Variants in PLCG2 observed in about 807,000 individuals in gnomAD.
The protein encoded by PLCG2 is phospholipase C gamma 2, also known as 1-phosphatidylinositol 4,5-bisphosphate phosphodiesterase gamma-2.
In PLCG2, 69 loss-of-function variants were observed where a neutral mutation model predicts 175.6. The observed-to-expected ratio is 0.39, with a 90% CI of 0.32 to 0.48. The LOEUF is 0.48. PLCG2 is among the 20% of genes least tolerant of loss of function. PLCG2 has a pLI of 0.91. For missense variants in PLCG2, 1,798 were observed against 1,650.9 expected (o/e 1.09, Z -1.54); for synonymous variants, 827 against 624.0 (o/e 1.33, Z -4.85).
chr16:81,948,192 T>G (rs879279158), intron 31 of PLCG2, among the ~76,000 whole-genome samples: 1 of 152,230 alleles, frequency 6.6e-6, no homozygotes, highest in East Asian at 1.9e-4. Context: ...GACCATGTAT[T>G]TTTATCTGCA....
At chr16:81,739,860 G>C (rs184988507) in intron 1 of PLCG2, 1 of 152,404 alleles carries the variant, frequency 6.6e-6, no homozygotes, top group African/African-American at 2.4e-5. Flanking sequence ...GTGTGGGGCC[G>C]GGCACAGTGG....
intron 26 of PLCG2, among the ~76,000 whole-genome samples, chr16:81,935,343 C>T (rs1468600512): frequency 6.6e-6 from 1 of 152,074 alleles, no homozygotes; most frequent in African/African-American, 2.4e-5. Flanking sequence ...GCTCCTTAAT[C>T]ACACCTGCAA....
chr16:81,862,246 C>G (rs997488902), intron 5 of PLCG2, among the ~76,000 whole-genome samples: 1 of 152,230 alleles, frequency 6.6e-6, no homozygotes, highest in Non-Finnish European at 1.5e-5. Context: ...TGGCCCAGCC[C>G]GGGCAATGGA....
In PLCG2 at chr16:81,785,967, C is replaced by T; in HGVS notation, c.-23C>T. ...GCTTCCTGATTTCTCCCGATTCCTTCCTTCTCCCTGGAGCGGCCGACAATG... is the reference window on the plus strand; with the variant it reads ...GCTTCCTGATTTCTCCCGATTCCTTTCTTCTCCCTGGAGCGGCCGACAATG... On this transcript the variant is annotated 5_prime_UTR_variant, in exon 2 of 33. Coordinates refer to ENST00000564138, the MANE Select transcript of PLCG2 (RefSeq NM_002661.5). 1 of 1,603,334 alleles carries T rather than the reference C, an allele frequency of 6.2e-7. No individual in the cohort carries two copies. Among genetic ancestry groups the T allele is most frequent in the Non-Finnish European group, 8.5e-7 (1 of 1,172,692 alleles).
At position 81,839,777 on chromosome 16, in the gene PLCG2, A is replaced by G. The variant is rs59090454; in HGVS notation, c.194-14667A>G. Among the ~76,000 whole-genome samples the G allele has an allele frequency of 8.0e-3, 1,219 of 152,342 alleles. 20 individuals are homozygous for G. The highest frequency in any genetic ancestry group is 0.026 in the African/African-American group (1,083 of 41,584). On this transcript the variant is annotated intron_variant, in intron 2 of 32. Coordinates refer to ENST00000564138, the MANE Select transcript of PLCG2 (RefSeq NM_002661.5). Reference sequence around the variant, plus strand: ...AAAATGATGAACATTTAGGCTGGGCATGGTGGCTCATGCCTGTAATCCCAA... The same window carrying G: ...AAAATGATGAACATTTAGGCTGGGCGTGGTGGCTCATGCCTGTAATCCCAA...
intron 2 of PLCG2, among the ~76,000 whole-genome samples, chr16:81,803,558 C>CTTTCCTTTCCT (rs1555507858): frequency 4.5e-5 from 6 of 132,470 alleles, no homozygotes; most frequent in East Asian, 2.3e-4. Context: ...CCTTTCTTTC[C>CTTTCCTTTCCT]TTCCTTTCCT....
At chr16:81,826,239 T>TG in intron 2 of PLCG2, among the ~76,000 whole-genome samples, 1 of 152,328 alleles carries the variant, frequency 6.6e-6, no homozygotes, top group South Asian at 2.1e-4. Flanking sequence ...TCCTGGTTCT[T>TG]GGGGTTCATC....
At chr16:81,946,341 T>A in intron 31 of PLCG2, 78 bp downstream of exon 31, 1 of 999,596 alleles carries the variant, frequency 1.0e-6, no homozygotes, top group East Asian at 2.4e-5. Context: ...TGAATACAAT[T>A]GGCAGATGGA....
At chr16:81,882,223 C>T (rs770323264) in intron 8 of PLCG2, among the ~76,000 whole-genome samples, 1 of 152,190 alleles carries the variant, frequency 6.6e-6, no homozygotes, top group South Asian at 2.1e-4. Context: ...GGGGGTGGCT[C>T]GTGCTGGCCC....
intron 1 of PLCG2, among the ~76,000 whole-genome samples, chr16:81,780,440 C>T (rs926459446): frequency 6.6e-6 from 1 of 152,172 alleles, no homozygotes; most frequent in Non-Finnish European, 1.5e-5. Context: ...CATGGGCCCT[C>T]GTCCTTGACT....
chr16:81,919,725 GT>G, intron 20 of PLCG2, 61 bp downstream of exon 20: 1 of 1,425,438 alleles, frequency 7.0e-7, no homozygotes, highest in Non-Finnish European at 9.8e-7. Context: ...TAACTCATCT[GT>G]TCATGAATTC....
intron 2 of PLCG2, among the ~76,000 whole-genome samples, chr16:81,799,211 A>G (rs1162860722): frequency 6.6e-6 from 1 of 152,154 alleles, no homozygotes; most frequent in Non-Finnish European, 1.5e-5. Context: ...TGGGTGAGAA[A>G]AACAACCCCT....
At chr16:81,748,338 C>G (rs978209616) in intron 1 of PLCG2, among the ~76,000 whole-genome samples, 4 of 151,448 alleles carry the variant, frequency 2.6e-5, no homozygotes, top group Non-Finnish European at 5.9e-5. Flanking sequence ...TGCAGTAAGT[C>G]GAGATGGTGC....
chr16:81,754,171 C>T lies in PLCG2; in HGVS notation c.-144-1699C>T, dbSNP rs79875879. 9.9e-5 allele frequency among the ~76,000 whole-genome samples: 15 copies of T among 152,006 alleles called. No individual in the cohort carries two copies. In the East Asian group the frequency reaches 1.4e-3, roughly 14 times the overall value. Reference sequence around the variant, plus strand: ...GGTTTGCCGCCTCCATCTCCATCTCCGTCTCCACCTCCACCTGAGTTGAGA... The same window carrying T: ...GGTTTGCCGCCTCCATCTCCATCTCTGTCTCCACCTCCACCTGAGTTGAGA... On this transcript the variant is annotated intron_variant, in intron 1 of 5. Coordinates refer to the PLCG2 transcript ENST00000565054.
chr16:81,934,381 G>A lies in PLCG2; in HGVS notation c.2740-48G>A, dbSNP rs1044272052. 1.6e-5 allele frequency: 19 copies of A among 1,167,266 alleles called. No individual in the cohort carries two copies. In the African/African-American group the frequency reaches 2.3e-4, roughly 14 times the overall value. The allele number at this position is 1,167,266 out of a possible 1,614,324, so 72.3% of individuals were successfully genotyped here. On this transcript the variant is annotated intron_variant, in intron 25 of 32. Coordinates refer to ENST00000564138, the MANE Select transcript of PLCG2 (RefSeq NM_002661.5). ...GGAAAAATGCAGGGCGAGCTGGGAA[G>A]ATGGGATTTCTCGGGGGCGGGCACT...
chr16:81,886,829 C>T (rs756805797), intron 9 of PLCG2, among the ~76,000 whole-genome samples: 7 of 152,192 alleles, frequency 4.6e-5, no homozygotes, highest in African/African-American at 1.2e-4. Context: ...AGTCAGTGCT[C>T]AGTGTTGATG....
intron 1 of PLCG2, among the ~76,000 whole-genome samples, chr16:81,747,609 T>G (rs754592972): frequency 2.0e-5 from 3 of 152,154 alleles, no homozygotes; most frequent in Non-Finnish European, 4.4e-5. Flanking sequence ...CATCTGTGGA[T>G]AGAGGATGAG....
chr16:81,836,762 GC>G (rs1237945295), intron 2 of PLCG2, among the ~76,000 whole-genome samples: 3 of 152,160 alleles, frequency 2.0e-5, no homozygotes. Context: ...AAACTTTGGA[GC>G]CTGGCCATTC....
intron 2 of PLCG2, among the ~76,000 whole-genome samples, chr16:81,772,279 G>A (rs547709961): frequency 6.6e-6 from 1 of 152,236 alleles, no homozygotes; most frequent in South Asian, 2.1e-4. Flanking sequence ...AGGAGCGCAT[G>A]ATCACCACCA....
Sources: gnomAD v4.1 joint callset for allele counts (sites outside exome capture counted in the v4.1 genomes callset) on GRCh38, gnomAD v4.1.1 for gene constraint, MANE v1.5 for transcripts, NCBI Gene and HGNC (gene_info 2026-07-23, HGNC 2026-07-21) for gene names.